NARS1: variants seen among roughly 807,000 people sequenced by gnomAD.
NARS1 encodes asparaginyl-tRNA synthetase 1, also known as asparagine--tRNA ligase, cytoplasmic.
In NARS1, 65 loss-of-function variants were observed where a neutral mutation model predicts 79.2. The observed-to-expected ratio is 0.82, with a 90% CI of 0.67 to 1.01. NARS1 has a LOEUF of 1.01. Ranked by LOEUF, NARS1 falls within the 50% of genes least tolerant of loss-of-function variation. The pLI, the probability that NARS1 is intolerant of heterozygous loss-of-function variation, is 0.00. For missense variants in NARS1, 649 were observed against 673.8 expected, an observed-to-expected ratio of 0.96 and a Z score of 0.41; for synonymous variants, 229 against 238.8, an observed-to-expected ratio of 0.96 and a Z score of 0.38.
chr18:57,604,607 G>A (rs977558044), intron 11 of NARS1, among the ~76,000 whole-genome samples: 3 of 152,176 alleles, frequency 2.0e-5, no homozygotes, highest in Admixed American at 6.5e-5. Context: ...TTGGAAACTT[G>A]AGCCAGATGC....
chr18:57,613,272 C>T (rs2051620045), intron 5 of NARS1, among the ~76,000 whole-genome samples: 1 of 151,806 alleles, frequency 6.6e-6, no homozygotes, highest in Non-Finnish European at 1.5e-5. Context: ...GACAGTGGAT[C>T]ACCTGAGGCC....
At chr18:57,605,251 T>C (rs546300805) in intron 11 of NARS1, among the ~76,000 whole-genome samples, 1 of 151,724 alleles carries the variant, frequency 6.6e-6, no homozygotes, top group Non-Finnish European at 1.5e-5. Flanking sequence ...TTATAAGCTG[T>C]GGCCAAGGAA....
chr18:57,613,810 T>TA, intron 4 of NARS1, 130 bp from the exon 5 acceptor site: 1 of 697,978 alleles, frequency 1.4e-6, no homozygotes, highest in South Asian at 1.8e-5. Flanking sequence ...ACAGCCCCTC[T>TA]ACTGCAGCTC....
chr18:57,618,566 C>T (rs547680319), intron 2 of NARS1, among the ~76,000 whole-genome samples: 7 of 152,136 alleles, frequency 4.6e-5, no homozygotes, highest in African/African-American at 7.2e-5. Context: ...ACGAGGCACC[C>T]GATAATCCAG....
intron 2 of NARS1, 101 bp from the exon 3 acceptor site, chr18:57,616,076 A>G (rs543845287): frequency 1.9e-6 from 2 of 1,072,408 alleles, no homozygotes; most frequent in Middle Eastern, 2.2e-4. Context: ...ATCTAAGCAT[A>G]AAGACCCCAA....
In NARS1 at chr18:57,607,469, T is replaced by C; in HGVS notation, c.776A>G (p.His259Arg). 1 of 1,614,158 alleles carries C rather than the reference T, an allele frequency of 6.2e-7. No homozygotes were observed. The highest frequency in any genetic ancestry group is 1.3e-5 in the African/African-American group (1 of 75,042). Residue 259 changes from histidine (H) to arginine (R), a missense_variant, in exon 8 of 14, where the codon CAC becomes CGC. Coordinates refer to ENST00000256854, the MANE Select transcript of NARS1 (RefSeq NM_004539.4). ...TTCATAGTACCCCCTATCAAAGAAG[T>C]GATCTCTAAAGCACCTGGTGACCAT... ...RSMVTRCFRD[H>R]FFDRGYYEVT... is the part of the protein sequence containing the mutation.
intron 2 of NARS1, among the ~76,000 whole-genome samples, chr18:57,618,581 G>T (rs1908160198): frequency 6.6e-6 from 1 of 152,124 alleles, no homozygotes; most frequent in Admixed American, 6.6e-5. Flanking sequence ...ATCCAGAAAT[G>T]AAAGATTTCC....
At chr18:57,606,476 C>T in intron 10 of NARS1, 140 bp downstream of exon 10, 2 of 770,608 alleles carry the variant, frequency 2.6e-6, no homozygotes, top group Non-Finnish European at 4.1e-6. Context: ...CAGTGACTAA[C>T]ATCAAATTCT....
chr18:57,611,698 A>C lies in NARS1; in HGVS notation c.431T>G (p.Leu144Ter). The change falls in exon 6 of 14, where the codon TTA (leucine) becomes TGA (stop). Residue 144 changes from leucine (L) to a stop codon, truncating the protein, a stop_gained. Coordinates refer to ENST00000256854, the MANE Select transcript of NARS1 (RefSeq NM_004539.4). LOFTEE classifies it high-confidence loss of function. ...ACCATCTCGCAACACCAGAAACATT[A>C]AATTCTTTCCTAAAAAATGAGAAAT... ...VHRLRRQGKNLMFLVLRDGTG... is the reference protein window; with the variant it reads ...VHRLRRQGKN 1 of 1,584,232 alleles carries C rather than the reference A, an allele frequency of 6.3e-7. No individual in the cohort carries two copies. The highest frequency in any genetic ancestry group is 8.6e-7 in the Non-Finnish European group (1 of 1,164,718).
At chr18:57,616,875 G>A (rs529034931) in intron 2 of NARS1, among the ~76,000 whole-genome samples, 4 of 141,764 alleles carry the variant, frequency 2.8e-5, no homozygotes, top group South Asian at 4.6e-4. Flanking sequence ...GGTGGCGGGC[G>A]CCTGTAGAGC....
At chr18:57,614,306 G>A (rs754752271) in intron 4 of NARS1, among the ~76,000 whole-genome samples, 1 of 152,084 alleles carries the variant, frequency 6.6e-6, no homozygotes, top group Non-Finnish European at 1.5e-5. Flanking sequence ...TTTGAGACTA[G>A]TCTGGCCAAC....
rs775901273 is a variant in NARS1, at chr18:57,607,542, T to C, written c.703A>G (p.Met235Val). Residue 235 changes from methionine (M) to valine (V), a missense_variant, in exon 8 of 14, where the codon ATG becomes GTG. By Grantham distance (21) the Met-to-Val change is conservative (BLOSUM62 1). Transcript: ENST00000256854. Reference sequence around the variant, plus strand: ...GACATGTTTTCTCCTCGGATCATCATGTGTCTGTTGTTGAGCTGGACATCA... The same window carrying C: ...GACATGTTTTCTCCTCGGATCATCACGTGTCTGTTGTTGAGCTGGACATCA... ...DVDVQLNNRH[M>V]MIRGENMSKI... is the part of the protein sequence containing the mutation. 9 of 1,614,068 alleles carry C rather than the reference T, an allele frequency of 5.6e-6. No homozygotes were observed. In the East Asian group the frequency reaches 1.1e-4, roughly 20 times the overall value.
At position 57,614,426 on chromosome 18, in the gene NARS1, G is replaced by A. The variant is rs185063198; in HGVS notation, c.343-746C>T. On this transcript the variant is annotated intron_variant, in intron 4 of 13. Transcript: ENST00000256854. ...TGAGGCAGGAGGATCACTTGAACCCGGGAGGCGGAGGTTGCAATGAGCTGA... is the reference window on the plus strand; with the variant it reads ...TGAGGCAGGAGGATCACTTGAACCCAGGAGGCGGAGGTTGCAATGAGCTGA... 3.4e-4 allele frequency among the ~76,000 whole-genome samples: 51 copies of A among 152,178 alleles called. No homozygotes were observed. In the East Asian group the frequency reaches 7.5e-3, roughly 22 times the overall value.
Position 57,611,626 on chromosome 18 carries a change from A to G in NARS1, c.492+11T>C, listed in dbSNP as rs766675893. The G allele has an allele frequency of 6.4e-7, 1 of 1,565,062 alleles. No homozygotes were observed. Among genetic ancestry groups the G allele is most frequent in the South Asian group, 1.2e-5 (1 of 85,766 alleles). The stretch of plus-strand genomic sequence containing the variant: ...TCTAATTTTCAGGCATAAATAAGAG[A>G]AAATATTTACCAACTCATCCGCCAA... On this transcript the variant is annotated intron_variant, in intron 6 of 13. Coordinates refer to ENST00000256854, the MANE Select transcript of NARS1 (RefSeq NM_004539.4).
rs371940868 is a variant in NARS1 at position 57,621,689 on chromosome 18, T to C, written c.10+19A>G. ...GCCCCAGGCAGGGAACACCGCGCCA[T>C]ACACTGAGTCTCACCCACCTAGCAC... On this transcript the variant is annotated intron_variant, in intron 1 of 13. Coordinates refer to ENST00000256854, the MANE Select transcript of NARS1 (RefSeq NM_004539.4). 61 of 1,611,012 alleles carry C rather than the reference T, an allele frequency of 3.8e-5. No individual in the cohort carries two copies. The South Asian group carries it at 5.7e-4, about 15-fold the overall frequency.
intron 13 of NARS1, 82 bp downstream of exon 13, chr18:57,602,273 A>T: frequency 1.5e-6 from 2 of 1,327,798 alleles, no homozygotes; most frequent in Non-Finnish European, 2.1e-6. Flanking sequence ...ACTACCCTGA[A>T]TTCTCCCCTT....
rs2051564573 is a variant in NARS1, at chr18:57,607,116, A to G, written c.1001+18T>C. Reference sequence around the variant, plus strand: ...GATATTACCTAGAAAGAAATAAAACAAAAAGACAACTTCATACTCAGCCAG... The same window carrying G: ...GATATTACCTAGAAAGAAATAAAACGAAAAGACAACTTCATACTCAGCCAG... On this transcript the variant is annotated intron_variant, in intron 9 of 13. Transcript: ENST00000256854. The G allele has an allele frequency of 6.3e-7, 1 of 1,588,410 alleles. No individual in the cohort carries two copies. The highest frequency in any genetic ancestry group is 8.6e-7 in the Non-Finnish European group (1 of 1,167,722).
chr18:57,619,572 T>C (rs1490909842), intron 2 of NARS1, among the ~76,000 whole-genome samples: 1 of 152,040 alleles, frequency 6.6e-6, no homozygotes, highest in African/African-American at 2.4e-5. Context: ...ATGTGGCAGT[T>C]ATAGCCAATG....
chr18:57,601,215 T>C lies in NARS1; in HGVS notation c.*437A>G, dbSNP rs571404920. The stretch of plus-strand genomic sequence containing the variant: ...CCAATTTCTTCCCCCAAGATTTTTG[T>C]TTTAATTCATTGATGCAATAAAATA... On this transcript the variant is annotated 3_prime_UTR_variant, in exon 14 of 14. Transcript: ENST00000256854. 1 of 154,306 alleles carries C rather than the reference T, an allele frequency of 6.5e-6. No homozygotes were observed. The highest frequency in any genetic ancestry group is 2.0e-4 in the South Asian group (1 of 4,972). 9.6% of individuals were successfully genotyped at this position (154,306 alleles called of 1,614,324 possible). A position where few individuals can be genotyped will look rare whatever the true frequency, so the allele number is the denominator to read the frequency against.
Sources: allele counts gnomAD v4.1 joint callset (sites outside exome capture counted in the v4.1 genomes callset), GRCh38; gene constraint gnomAD v4.1.1; transcripts MANE v1.5; gene names NCBI Gene and HGNC (gene_info 2026-07-23, HGNC 2026-07-21).